Variants in DCAF6 observed in about 807,000 individuals in gnomAD.
The protein encoded by DCAF6 is DDB1- and CUL4-associated factor 6.
A neutral mutation model predicts 125.1 loss-of-function variants in DCAF6; 54 were observed. The ratio of observed to expected loss-of-function variants is 0.43; its 90% CI spans 0.35 to 0.54. The LOEUF (loss-of-function observed/expected upper bound fraction) is 0.54, where lower values mean the gene tolerates loss of function less well. Among genes scored for constraint, DCAF6 ranks in the 20% least tolerant of loss-of-function variants. The pLI is 0.01. For missense variants in DCAF6, 934 were observed against 1,161.7 expected, an observed-to-expected ratio of 0.80 and a Z score of 2.85; for synonymous variants, 371 against 390.4, an observed-to-expected ratio of 0.95 and a Z score of 0.58.
chr1:168,037,471 A>G (rs1370475134), intron 12 of DCAF6, among the ~76,000 whole-genome samples: 1 of 152,204 alleles, frequency 6.6e-6, no homozygotes, highest in Non-Finnish European at 1.5e-5. Context: ...ATCCATTTGT[A>G]TTCCCTATGT....
At chr1:167,987,291 T>A (rs1680143729) in intron 4 of DCAF6, among the ~76,000 whole-genome samples, 1 of 152,222 alleles carries the variant, frequency 6.6e-6, no homozygotes, top group Non-Finnish European at 1.5e-5. Context: ...AAGTACTGAA[T>A]CATATTAATT....
At chr1:168,064,715 A>G (rs1300839861) in intron 18 of DCAF6, among the ~76,000 whole-genome samples, 1 of 152,224 alleles carries the variant, frequency 6.6e-6, no homozygotes, top group East Asian at 1.9e-4. Context: ...TAAATTTAAC[A>G]GTAGCTCAGA....
At chr1:167,902,069 AAAAATT>A in the DCAF6 span, 1 of 1,612,912 alleles carries the variant, frequency 6.2e-7, no homozygotes, top group Non-Finnish European at 8.5e-7. Flanking sequence ...GAAAAAAAAA[AAAAATT>A]AAATCAAACC....
the DCAF6 span, among the ~76,000 whole-genome samples, chr1:167,894,527 T>C: frequency 1.3e-5 from 2 of 151,800 alleles, no homozygotes; most frequent in Non-Finnish European, 2.9e-5. Flanking sequence ...TGATAAGAGA[T>C]GGTAGGAATG....
intron 20 of DCAF6, among the ~76,000 whole-genome samples, chr1:168,067,680 T>C (rs1692505316): frequency 6.6e-6 from 1 of 152,092 alleles, no homozygotes; most frequent in Non-Finnish European, 1.5e-5. Flanking sequence ...CCCTGATGAG[T>C]TGGGAATTTA....
chr1:168,035,425 C>T lies in DCAF6; in HGVS notation c.1610-2946C>T, dbSNP rs371754101. Among the ~76,000 whole-genome samples the T allele has an allele frequency of 6.5e-4, 99 of 152,188 alleles. 1 individual carries two copies. Among genetic ancestry groups the T allele is most frequent in the African/African-American group, 2.3e-3 (96 of 41,518 alleles). On this transcript the variant is annotated intron_variant, in intron 12 of 21. Coordinates refer to ENST00000367840, the MANE Select transcript of DCAF6 (RefSeq NM_001198956.2). ...TTTCGCCACTGCACTCCAACCTGGACGACGGAGTGAGACTCTGTCTCAAAA... is the reference window on the plus strand; with the variant it reads ...TTTCGCCACTGCACTCCAACCTGGATGACGGAGTGAGACTCTGTCTCAAAA...
At chr1:167,953,105 TG>T (rs912107007) in intron 2 of DCAF6, among the ~76,000 whole-genome samples, 5 of 151,338 alleles carry the variant, frequency 3.3e-5, no homozygotes, top group African/African-American at 1.2e-4. Context: ...TAATATTGAC[TG>T]TTTTTTCGGT....
At position 167,936,832 on chromosome 1, in the gene DCAF6, G is replaced by T. The variant is rs1196146099; in HGVS notation, c.-80G>T. 1.5e-5 allele frequency: 19 copies of T among 1,271,448 alleles called. No individual in the cohort carries two copies. The highest frequency in any genetic ancestry group is 1.9e-5 in the Non-Finnish European group (17 of 899,926). The allele number at this position is 1,271,448 out of a possible 1,614,324, so 78.8% of individuals were successfully genotyped here. On this transcript the variant is annotated 5_prime_UTR_variant, in exon 1 of 22. Transcript: ENST00000367840. Reference sequence around the variant, plus strand: ...GCGCGGATGGTGCCGGTGCGGCTCGGGTGTTGAAACGGGTGTCCCCTCCCC... The same window carrying T: ...GCGCGGATGGTGCCGGTGCGGCTCGTGTGTTGAAACGGGTGTCCCCTCCCC...
At chr1:168,014,243 A>G (rs1270687505) in intron 10 of DCAF6, among the ~76,000 whole-genome samples, 1 of 152,202 alleles carries the variant, frequency 6.6e-6, no homozygotes, top group Non-Finnish European at 1.5e-5. Context: ...GACTTCCATC[A>G]TACAAAATCC....
chr1:167,880,391 CTTAA>C, the DCAF6 span: 2 of 1,036,826 alleles, frequency 1.9e-6, no homozygotes, highest in Non-Finnish European at 3.1e-6. Flanking sequence ...GGACTAAGTT[CTTAA>C]TTAATTCTTC....
the DCAF6 span, among the ~76,000 whole-genome samples, chr1:167,898,303 A>C: frequency 6.6e-6 from 1 of 152,138 alleles, no homozygotes; most frequent in Non-Finnish European, 1.5e-5. Flanking sequence ...AAAGGTATCA[A>C]GAATGATTGA....
At chr1:167,915,734 C>T in the DCAF6 span, among the ~76,000 whole-genome samples, 1 of 152,068 alleles carries the variant, frequency 6.6e-6, no homozygotes, top group South Asian at 2.1e-4. Context: ...TTCAGGCATG[C>T]ACCACCGCGC....
At chr1:167,882,695 T>C in the DCAF6 span, among the ~76,000 whole-genome samples, 2 of 151,748 alleles carry the variant, frequency 1.3e-5, no homozygotes, top group African/African-American at 2.4e-5. Context: ...TGGAGACTTA[T>C]GTGTAGTGAG....
intron 21 of DCAF6, among the ~76,000 whole-genome samples, chr1:168,069,464 C>G (rs1005238426): frequency 7.9e-5 from 12 of 152,146 alleles, no homozygotes; most frequent in Non-Finnish European, 2.9e-5. Context: ...TGTCCCCTCC[C>G]ATCTTCACTC....
At chr1:167,927,731 T>C in the DCAF6 span, among the ~76,000 whole-genome samples, 19 of 152,326 alleles carry the variant, frequency 1.2e-4, no homozygotes, top group African/African-American at 4.1e-4. Context: ...TTTACTAAAC[T>C]GCCTAGAGCT....
chr1:168,036,284 A>G (rs1228678737), intron 12 of DCAF6, among the ~76,000 whole-genome samples: 1 of 152,172 alleles, frequency 6.6e-6, no homozygotes, highest in African/African-American at 2.4e-5. Context: ...CCTGAAAAGG[A>G]AAGTTTTCAT....
chr1:167,983,769 C>T (rs1458549493), intron 4 of DCAF6, among the ~76,000 whole-genome samples: 1 of 152,144 alleles, frequency 6.6e-6, no homozygotes, highest in Non-Finnish European at 1.5e-5. Flanking sequence ...TCTTGTTTCC[C>T]TCACCTAGTA....
At chr1:168,044,310 C>G (rs970665787) in intron 14 of DCAF6, among the ~76,000 whole-genome samples, 6 of 152,056 alleles carry the variant, frequency 3.9e-5, no homozygotes, top group Non-Finnish European at 7.4e-5. Context: ...TGGAAATACT[C>G]CCTCCCAAAA....
At chr1:168,038,076 G>A (rs1033849245) in intron 12 of DCAF6, among the ~76,000 whole-genome samples, 2 of 152,166 alleles carry the variant, frequency 1.3e-5, no homozygotes, top group Non-Finnish European at 2.9e-5. Context: ...CTATGTCATT[G>A]CATGTTAATA....
Sources: gnomAD v4.1 joint callset for allele counts (sites outside exome capture counted in the v4.1 genomes callset) on GRCh38, gnomAD v4.1.1 for gene constraint, MANE v1.5 for transcripts, NCBI Gene and HGNC (gene_info 2026-07-23, HGNC 2026-07-21) for gene names.